WDR83: variants seen among roughly 807,000 people sequenced by gnomAD.
WDR83 encodes WD repeat domain 83.
In WDR83, 37 loss-of-function variants were observed where a neutral mutation model predicts 37.7. The ratio of observed to expected loss-of-function variants is 0.98; its 90% CI spans 0.76 to 1.29. WDR83 has a LOEUF of 1.29. Among genes scored for constraint, WDR83 ranks in the 50% most tolerant of loss-of-function variants. WDR83 has a pLI of 0.00. For missense variants in WDR83, 445 were observed against 414.4 expected, an observed-to-expected ratio of 1.07 and a Z score of -0.64; for synonymous variants, 174 against 181.1, an observed-to-expected ratio of 0.96 and a Z score of 0.31.
In WDR83 at chr19:12,672,963, C is replaced by G. The variant is rs745801877; in HGVS notation, c.575-45C>G. 4.4e-6 allele frequency: 7 copies of G among 1,596,276 alleles called. No individual in the cohort carries two copies. In the East Asian group the frequency reaches 1.1e-4, roughly 26 times the overall value. On this transcript the variant is annotated intron_variant, in intron 8 of 10. Coordinates refer to ENST00000418543, the MANE Select transcript of WDR83 (RefSeq NM_001099737.3). ...ACAGGCAGGGAAGATGGGGGGCCAA[C>G]CAGGGGCACCCCACCCTCACTCACC... is the stretch of plus-strand genomic sequence containing the variant.
rs1038629178 is a variant in WDR83 at position 12,669,670 on chromosome 19, G to A, written c.-36-85G>A. On this transcript the variant is annotated intron_variant, in intron 2 of 10. Transcript: ENST00000418543. ...AAATGCCAAAATGATGAACCCGGAA[G>A]TGATAAACAGGAAGTAGGTCAGGAA... is the stretch of plus-strand genomic sequence containing the variant. The A allele has an allele frequency of 1.8e-5, 20 of 1,127,430 alleles. No individual in the cohort carries two copies. The African/African-American group carries it at 2.8e-4, about 16-fold the overall frequency. The allele number at this position is 1,127,430 out of a possible 1,614,324, so 69.8% of individuals were successfully genotyped here.
chr19:12,669,031 C>T (rs2024332867), intron 2 of WDR83: 1 of 1,271,674 alleles, frequency 7.9e-7, no homozygotes, highest in African/African-American at 1.5e-5. Flanking sequence ...AGGTCCCGCC[C>T]CATCAGCAAT....
chr19:12,673,723 CTTTTT>C, intron 10 of WDR83, among the ~76,000 whole-genome samples: 1 of 150,698 alleles, frequency 6.6e-6, no homozygotes, highest in East Asian at 2.0e-4. Flanking sequence ...GCCCTTTTTT[CTTTTT>C]TTGAGACTAT....
At chr19:12,673,337 C>G (rs2024478111) in intron 10 of WDR83, 21 bp downstream of exon 10, 1 of 1,570,278 alleles carries the variant, frequency 6.4e-7, no homozygotes, top group Non-Finnish European at 8.7e-7. Context: ...CCCAGCCCTA[C>G]TTCATACCTA....
chr19:12,669,803 G>A lies in WDR83; in HGVS notation c.13G>A (p.Glu5Lys). 6.2e-7 allele frequency: 1 copy of A among 1,608,314 alleles called. No individual in the cohort carries two copies. The highest frequency in any genetic ancestry group is 8.5e-7 in the Non-Finnish European group (1 of 1,177,202). The part of the protein sequence containing the change: MAFP[E>K]PKPRPPELPQ... ...GAGTCCTGGGAGCATGGCTTTCCCT[G>A]AGCCAAAGCCGCGGCCTCCAGAGCT... The change falls in exon 3 of 11, where the codon GAG becomes AAG. Residue 5 changes from glutamate (E) to lysine (K), a missense_variant. Coordinates refer to ENST00000418543, the MANE Select transcript of WDR83 (RefSeq NM_001099737.3).
intron 5 of WDR83, 41 bp downstream of exon 5, chr19:12,670,326 C>G (rs748964713): frequency 6.3e-7 from 1 of 1,599,200 alleles, no homozygotes; most frequent in South Asian, 1.1e-5. Context: ...GTGGAGGGGA[C>G]CCGTATTAGC....
At chr19:12,672,608 C>T in intron 7 of WDR83, 1 of 549,244 alleles carries the variant, frequency 1.8e-6, no homozygotes, top group South Asian at 2.0e-5. Flanking sequence ...AACTCTGTCT[C>T]AAACAAAAGG....
chr19:12,670,394 C>G (rs753698603), intron 5 of WDR83, 109 bp downstream of exon 5: 31 of 1,496,082 alleles, frequency 2.1e-5, no homozygotes, highest in Middle Eastern at 3.9e-4. Context: ...CCCCAGATGA[C>G]GATCCCCCAC....
intron 5 of WDR83, 116 bp from the exon 6 acceptor site, chr19:12,670,447 G>T (rs1480240758): frequency 2.6e-6 from 4 of 1,544,268 alleles, no homozygotes; most frequent in African/African-American, 1.4e-5. Flanking sequence ...TGTCCTTGCT[G>T]TTCCCCCAAA....
chr19:12,673,364 C>A, intron 10 of WDR83, 48 bp downstream of exon 10: 1 of 1,312,216 alleles, frequency 7.6e-7, no homozygotes, highest in Non-Finnish European at 1.1e-6. Context: ...TGCCCCATCT[C>A]AGCCCTGTCC....
At position 12,669,060 on chromosome 19, in the gene WDR83, A is replaced by AT. The variant is rs2024333442; in HGVS notation, c.-37+435dup. 5.2e-6 allele frequency: 8 copies of AT among 1,545,360 alleles called. No homozygotes were observed. In the South Asian group the frequency reaches 8.9e-5, roughly 17 times the overall value. On this transcript the variant is annotated intron_variant, in intron 2 of 10. Transcript: ENST00000418543. Reference sequence around the variant, plus strand: ...CAGCAATGACAAGACACCCCGCTTCATTCCAAACCCGCCCCCGGGCCTCGT... The same window carrying AT: ...CAGCAATGACAAGACACCCCGCTTCATTTCCAAACCCGCCCCCGGGCCTCGT...
chr19:12,669,288 G>A (rs372278458), intron 2 of WDR83: 1 of 1,608,024 alleles, frequency 6.2e-7, no homozygotes, highest in Non-Finnish European at 8.5e-7. Flanking sequence ...GGATAGACAG[G>A]CGCTTCCCAG....
Position 12,668,188 on chromosome 19 carries a change from A to G in WDR83, c.-156-320A>G, listed in dbSNP as rs11557234. The G allele has an allele frequency of 7.5e-3, 4,686 of 628,878 alleles. 180 individuals carry two copies. The African/African-American group carries it at 0.077, about 10-fold the overall frequency. 39.0% of individuals were successfully genotyped at this position (628,878 alleles called of 1,614,324 possible). Reference sequence around the variant, plus strand: ...CAGGGGAAGGGAGGCAGGAGGGGTAAGCCTAGGGTGTTCCCTAGGAAAGGG... The same window carrying G: ...CAGGGGAAGGGAGGCAGGAGGGGTAGGCCTAGGGTGTTCCCTAGGAAAGGG... On this transcript the variant is annotated intron_variant, in intron 1 of 10. Transcript: ENST00000418543.
chr19:12,673,972 T>A (rs1010127665), intron 10 of WDR83, among the ~76,000 whole-genome samples: 1 of 152,180 alleles, frequency 6.6e-6, no homozygotes, highest in Admixed American at 6.5e-5. Flanking sequence ...AGTGCTGGGA[T>A]TACAGGCCTG....
In WDR83 at chr19:12,671,374, C is replaced by T. The variant is rs538303491; in HGVS notation, c.506+553C>T. The T allele has an allele frequency of 9.7e-5, 15 of 154,796 alleles. No homozygotes were observed. The South Asian group carries it at 1.3e-3, about 14-fold the overall frequency. 9.6% of individuals were successfully genotyped at this position (154,796 alleles called of 1,614,324 possible). A position where few individuals can be genotyped will look rare whatever the true frequency, so the allele number is the denominator to read the frequency against. Reference sequence around the variant, plus strand: ...TTTCTAAAAATAAATAAAAATAGGCCGGGCGCTGTGGCTCATGCCTGTAAT... The same window carrying T: ...TTTCTAAAAATAAATAAAAATAGGCTGGGCGCTGTGGCTCATGCCTGTAAT... On this transcript the variant is annotated intron_variant, in intron 7 of 10. Coordinates refer to ENST00000418543, the MANE Select transcript of WDR83 (RefSeq NM_001099737.3).
At chr19:12,673,604 G>C (rs1292745836) in intron 10 of WDR83, among the ~76,000 whole-genome samples, 1 of 151,968 alleles carries the variant, frequency 6.6e-6, no homozygotes, top group Non-Finnish European at 1.5e-5. Flanking sequence ...TTTTAGTAGA[G>C]ACAGGGTTTC....
Position 12,675,689 on chromosome 19 carries a change from AAC to A in WDR83, c.*19_*20del. On this transcript the variant is annotated 3_prime_UTR_variant, in exon 11 of 11. Coordinates refer to ENST00000418543, the MANE Select transcript of WDR83 (RefSeq NM_001099737.3). The stretch of plus-strand genomic sequence containing the variant: ...GCAGGCTGAAGCCAGGGGACCCACC[AAC>A]AGGACCAAGGACCGAGACACAGACA... 1 of 1,599,258 alleles carries A rather than the reference AAC, an allele frequency of 6.3e-7. No homozygotes were observed. Among genetic ancestry groups the A allele is most frequent in the Non-Finnish European group, 8.5e-7 (1 of 1,178,584 alleles).
At chr19:12,668,211 G>C in intron 1 of WDR83, 1 of 768,256 alleles carries the variant, frequency 1.3e-6, no homozygotes, top group Admixed American at 2.7e-5. Context: ...CCCTAGGAAA[G>C]GGCCAGGTTC....
At chr19:12,675,456 C>T in intron 10 of WDR83, 67 bp from the exon 11 acceptor site, 1 of 1,562,624 alleles carries the variant, frequency 6.4e-7, no homozygotes. Flanking sequence ...TGGGGGGTGC[C>T]CAGGGACCTC....
Sources: gnomAD v4.1 joint callset for allele counts (sites outside exome capture counted in the v4.1 genomes callset) on GRCh38, gnomAD v4.1.1 for gene constraint, MANE v1.5 for transcripts, NCBI Gene and HGNC (gene_info 2026-07-23, HGNC 2026-07-21) for gene names.